The following ARFGEF1 variants were observed in gnomAD, a reference collection of about 807,000 sequenced individuals.
ARFGEF1 encodes brefeldin A-inhibited guanine nucleotide-exchange protein 1.
Under a neutral mutation model 231.0 loss-of-function variants are expected in ARFGEF1, and 42 were observed. That is an observed-to-expected ratio of 0.18 (90% CI 0.14 to 0.24). The LOEUF (loss-of-function observed/expected upper bound fraction) is 0.24, where lower values mean the gene tolerates loss of function less well. ARFGEF1 is among the 10% of genes least tolerant of loss of function. The pLI, the probability that ARFGEF1 is intolerant of heterozygous loss-of-function variation, is 1.00. For missense variants in ARFGEF1, 1,345 were observed against 2,192.0 expected (o/e 0.61, Z 7.72); for synonymous variants, 710 against 732.3 (o/e 0.97, Z 0.49).
At position 67,234,990 on chromosome 8, in the gene ARFGEF1, T is replaced by G. The variant is rs1376885179; in HGVS notation, c.3290-2045A>C. On this transcript the variant is annotated intron_variant, in intron 22 of 38. Transcript: ENST00000262215. ...AAAACAATGCCAATCATAAGATAAC[T>G]TCCTTTGTGTATCAACAGGATATCC... Among the ~76,000 whole-genome samples the G allele has an allele frequency of 2.0e-5, 3 of 151,732 alleles. No individual in the cohort carries two copies. In the East Asian group the frequency reaches 5.8e-4, roughly 29 times the overall value.
At chr8:67,196,508 C>T (rs1837966590), downstream of ARFGEF1, among the ~76,000 whole-genome samples, 1 of 152,230 alleles carries the variant, frequency 6.6e-6, no homozygotes, top group Non-Finnish European at 1.5e-5. Flanking sequence ...CAGCTGAGAA[C>T]ATCCCCAGGC....
At chr8:67,285,664 A>C (rs1191542226) in intron 7 of ARFGEF1, among the ~76,000 whole-genome samples, 1 of 152,198 alleles carries the variant, frequency 6.6e-6, no homozygotes, top group African/African-American at 2.4e-5. Flanking sequence ...CAAATGATCC[A>C]ACCCTACCAC....
At chr8:67,199,309 A>G (rs921718059) in intron 38 of ARFGEF1, 5 of 488,944 alleles carry the variant, frequency 1.0e-5, no homozygotes, top group Middle Eastern at 5.4e-4. Flanking sequence ...CCTTATTTTG[A>G]AAAACATTTG....
In ARFGEF1 at chr8:67,213,449, A is replaced by G. The variant is rs567854121; in HGVS notation, c.4687-1834T>C. Among the ~76,000 whole-genome samples the G allele has an allele frequency of 5.9e-5, 9 of 152,326 alleles. No homozygotes were observed. The South Asian group carries it at 1.2e-3, about 21-fold the overall frequency. On this transcript the variant is annotated intron_variant, in intron 33 of 38. Transcript: ENST00000262215. Reference sequence around the variant, plus strand: ...TCTGGGAGGCAGGGTAGCAAGATAAAAAGAGGGAGGACAGCTGGGGTTGGT... The same window carrying G: ...TCTGGGAGGCAGGGTAGCAAGATAAGAAGAGGGAGGACAGCTGGGGTTGGT...
Position 67,207,644 on chromosome 8 carries a change from C to T in ARFGEF1, c.4820-2825G>A, listed in dbSNP as rs188796881. Among the ~76,000 whole-genome samples, 240 of 152,282 alleles carry T rather than the reference C, an allele frequency of 1.6e-3. 3 individuals carry two copies. Among genetic ancestry groups the T allele is most frequent in the East Asian group, 1.9e-4 (1 of 5,184 alleles). On this transcript the variant is annotated intron_variant, in intron 34 of 38. Coordinates refer to ENST00000262215, the MANE Select transcript of ARFGEF1 (RefSeq NM_006421.5). Reference sequence around the variant, plus strand: ...TGGGACTACAGGTACTGAATCAACTCGACAGAGCAGTGGTGCAGAAAGAAT... The same window carrying T: ...TGGGACTACAGGTACTGAATCAACTTGACAGAGCAGTGGTGCAGAAAGAAT...
At chr8:67,277,239 A>C in intron 8 of ARFGEF1, 43 bp downstream of exon 8, 1 of 1,585,698 alleles carries the variant, frequency 6.3e-7, no homozygotes, top group East Asian at 2.3e-5. Flanking sequence ...TAAATTTGTA[A>C]GATTAACAGG....
chr8:67,335,616 C>G (rs763185157), intron 1 of ARFGEF1, among the ~76,000 whole-genome samples: 2 of 152,102 alleles, frequency 1.3e-5, no homozygotes, highest in Non-Finnish European at 2.9e-5. Flanking sequence ...TAGCAAAGTT[C>G]TGACAGATGA....
intron 5 of ARFGEF1, chr8:67,175,643 A>G (rs1014337056): frequency 1.5e-6 from 1 of 682,248 alleles, no homozygotes; most frequent in South Asian, 1.5e-5. Context: ...GTATTCATGC[A>G]TGAGAGGGGC....
At chr8:67,274,323 C>CA (rs57986405) in intron 9 of ARFGEF1, among the ~76,000 whole-genome samples, 15,231 of 123,652 alleles carry the variant, frequency 0.12, 1,441 homozygotes, top group African/African-American at 0.29. Context: ...TGACTTTTGG[C>CA]AAAAAAAAAA....
At position 67,217,931 on chromosome 8, in the gene ARFGEF1, A is replaced by G. The variant is rs1838992683; in HGVS notation, c.4475-11T>C. 1.2e-6 allele frequency: 2 copies of G among 1,613,464 alleles called. No individual in the cohort carries two copies. The highest frequency in any genetic ancestry group is 8.5e-7 in the Non-Finnish European group (1 of 1,179,580). ...CTAACTGCTCATTGTCTAGGAAAGAAAAGAGCAATTCATTTATATATTACC... is the reference window on the plus strand; with the variant it reads ...CTAACTGCTCATTGTCTAGGAAAGAGAAGAGCAATTCATTTATATATTACC... On this transcript the variant is annotated splice_polypyrimidine_tract_variant and intron_variant, in intron 31 of 38. Coordinates refer to ENST00000262215, the MANE Select transcript of ARFGEF1 (RefSeq NM_006421.5).
chr8:67,218,192 A>T lies in ARFGEF1; in HGVS notation c.4339-54T>A, dbSNP rs1429241853. ...ACGCCATTAATCAACTACTATGATTAAAAAAAAAAAAAAAAATATATATAT... is the reference window on the plus strand; with the variant it reads ...ACGCCATTAATCAACTACTATGATTTAAAAAAAAAAAAAAAATATATATAT... On this transcript the variant is annotated intron_variant, in intron 30 of 38. Coordinates refer to ENST00000262215, the MANE Select transcript of ARFGEF1 (RefSeq NM_006421.5). 62 of 87,912 alleles carry T rather than the reference A, an allele frequency of 7.1e-4. No homozygotes were observed. The South Asian group carries it at 0.017, about 24-fold the overall frequency. The allele number at this position is 87,912 out of a possible 1,614,324, so 5.4% of individuals were successfully genotyped here.
intron 1 of ARFGEF1, among the ~76,000 whole-genome samples, chr8:67,341,749 G>A (rs1162147641): frequency 2.0e-5 from 3 of 151,992 alleles, no homozygotes; most frequent in African/African-American, 7.3e-5. Context: ...ATTCCTTTCA[G>A]GATCTAGATA....
At chr8:67,216,940 T>A (rs2128864727) in intron 32 of ARFGEF1, among the ~76,000 whole-genome samples, 1 of 151,864 alleles carries the variant, frequency 6.6e-6, no homozygotes, top group Non-Finnish European at 1.5e-5. Flanking sequence ...TTTAAAGATT[T>A]CAGACCTCCT....
At chr8:67,300,146 C>T (rs1291722963) in intron 3 of ARFGEF1, among the ~76,000 whole-genome samples, 1 of 152,104 alleles carries the variant, frequency 6.6e-6, no homozygotes, top group Non-Finnish European at 1.5e-5. Flanking sequence ...TAGATTTGTT[C>T]ATTCATCATT....
chr8:67,327,059 C>A (rs892729622), intron 1 of ARFGEF1, among the ~76,000 whole-genome samples: 9 of 152,156 alleles, frequency 5.9e-5, no homozygotes, highest in Admixed American at 6.5e-5. Context: ...TTTAAATTAT[C>A]CCTGTGTTCA....
At chr8:67,288,676 T>A (rs1449978051) in intron 6 of ARFGEF1, among the ~76,000 whole-genome samples, 3 of 151,798 alleles carry the variant, frequency 2.0e-5, no homozygotes, top group African/African-American at 4.8e-5. Context: ...GAGGTTGCAA[T>A]GAGCTGAGAC....
chr8:67,206,229 G>A (rs1035775527), intron 34 of ARFGEF1, among the ~76,000 whole-genome samples: 6 of 152,078 alleles, frequency 3.9e-5, no homozygotes, highest in East Asian at 1.9e-4. Context: ...GGCCCACATG[G>A]TGAAACCCCA....
At chr8:67,289,549 C>CCAAAAAAA in intron 6 of ARFGEF1, among the ~76,000 whole-genome samples, 1 of 44,846 alleles carries the variant, frequency 2.2e-5, no homozygotes, top group African/African-American at 7.1e-5. Flanking sequence ...ACTCTGTATC[C>CCAAAAAAA]AAAAAAAAAA....
chr8:67,192,874 ACT>A (rs1228915106), downstream of ARFGEF1, among the ~76,000 whole-genome samples: 6 of 152,146 alleles, frequency 3.9e-5, no homozygotes, highest in Admixed American at 1.3e-4. Context: ...TCAGTACCAC[ACT>A]GTCTTGATTA....
Sources: gnomAD v4.1 joint callset for allele counts (sites outside exome capture counted in the v4.1 genomes callset) on GRCh38, gnomAD v4.1.1 for gene constraint, MANE v1.5 for transcripts, NCBI Gene and HGNC (gene_info 2026-07-23, HGNC 2026-07-21) for gene names.